Variants in C18orf63 observed in about 807,000 individuals in gnomAD.
The protein encoded by C18orf63 is chromosome 18 open reading frame 63.
A neutral mutation model predicts 75.3 loss-of-function variants in C18orf63; 50 were observed. That is an observed-to-expected ratio of 0.66 (90% CI 0.53 to 0.84). The LOEUF is 0.84. C18orf63 is among the 40% of genes least tolerant of loss of function. C18orf63 has a pLI of 0.00. For synonymous variants in C18orf63, 232 were observed against 267.6 expected (o/e 0.87, Z 1.30); for missense variants, 732 against 800.2 (o/e 0.91, Z 1.03).
intron 7 of C18orf63, among the ~76,000 whole-genome samples, chr18:74,332,593 C>T (rs560028602): frequency 1.3e-5 from 2 of 151,966 alleles, no homozygotes; most frequent in African/African-American, 4.8e-5. Flanking sequence ...ATCCCAGCTA[C>T]TCGGGAGGCT....
chr18:74,334,687 G>A (rs1162612757), intron 7 of C18orf63, among the ~76,000 whole-genome samples: 1 of 151,934 alleles, frequency 6.6e-6, no homozygotes, highest in Non-Finnish European at 1.5e-5. Flanking sequence ...TGAGAAGGAG[G>A]ATGTTTCTGG....
intron 11 of C18orf63, among the ~76,000 whole-genome samples, chr18:74,346,077 T>C (rs1431116367): frequency 6.7e-6 from 1 of 149,948 alleles, no homozygotes. Flanking sequence ...ATATATTCTT[T>C]AATTTATCTC....
intron 11 of C18orf63, among the ~76,000 whole-genome samples, chr18:74,351,238 T>C (rs1446394914): frequency 1.3e-5 from 2 of 152,194 alleles, no homozygotes; most frequent in Non-Finnish European, 2.9e-5. Flanking sequence ...TTGTCCTCTA[T>C]AATGACTTTC....
intron 11 of C18orf63, among the ~76,000 whole-genome samples, chr18:74,350,269 G>T (rs1187620791): frequency 6.6e-6 from 1 of 152,142 alleles, no homozygotes; most frequent in Non-Finnish European, 1.5e-5. Context: ...CTCTCCAGAA[G>T]TGTATATCCA....
At chr18:74,322,786 T>A in intron 4 of C18orf63, 32 bp downstream of exon 4, 1 of 949,844 alleles carries the variant, frequency 1.1e-6, no homozygotes, top group South Asian at 1.7e-5. Flanking sequence ...TAATACCATA[T>A]GTTGTTTATA....
At chr18:74,329,543 C>A (rs1984269507) in intron 6 of C18orf63, among the ~76,000 whole-genome samples, 1 of 151,966 alleles carries the variant, frequency 6.6e-6, no homozygotes, top group African/African-American at 2.4e-5. Flanking sequence ...AAAAATTCAT[C>A]TTAATTGGAA....
Position 74,357,430 on chromosome 18 carries a change from G to A in C18orf63, c.*983G>A, listed in dbSNP as rs1213233323. ...ACATTTGAAAAAAAGAGAAACAGAA[G>A]TGGAGCTTCTCAGACAATGAATATT... On this transcript the variant is annotated 3_prime_UTR_variant, in exon 14 of 14. Coordinates refer to ENST00000579455, the MANE Select transcript of C18orf63 (RefSeq NM_001174123.2). 1 of 152,152 alleles carries A rather than the reference G, an allele frequency of 6.6e-6. No homozygotes were observed. The highest frequency in any genetic ancestry group is 1.9e-4 in the East Asian group (1 of 5,202). 9.4% of individuals were successfully genotyped at this position (152,152 alleles called of 1,614,324 possible). A position where few individuals can be genotyped will look rare whatever the true frequency, so the allele number is the denominator to read the frequency against.
chr18:74,328,946 G>T, intron 5 of C18orf63, 49 bp from the exon 6 acceptor site: 1 of 984,296 alleles, frequency 1.0e-6, no homozygotes, highest in South Asian at 1.4e-5. Flanking sequence ...TATCAAGCAT[G>T]ATTATTTATG....
intron 11 of C18orf63, among the ~76,000 whole-genome samples, chr18:74,350,330 C>T (rs1984646219): frequency 6.6e-6 from 1 of 152,146 alleles, no homozygotes; most frequent in African/African-American, 2.4e-5. Flanking sequence ...CACTGAAATC[C>T]TAACCCCCAG....
At chr18:74,353,219 T>C in intron 11 of C18orf63, 27 bp from the exon 12 acceptor site, 1 of 1,345,496 alleles carries the variant, frequency 7.4e-7, no homozygotes, top group Non-Finnish European at 1.0e-6. Context: ...ACATTTTAAA[T>C]TTTTTTTTAA....
At chr18:74,343,286 A>G (rs1416895554) in intron 10 of C18orf63, among the ~76,000 whole-genome samples, 14 of 152,154 alleles carry the variant, frequency 9.2e-5, no homozygotes, top group Admixed American at 8.5e-4. Flanking sequence ...AGAAAGCCAT[A>G]TAGTAAGATA....
At chr18:74,355,364 A>T (rs1034814305) in intron 13 of C18orf63, among the ~76,000 whole-genome samples, 2 of 152,198 alleles carry the variant, frequency 1.3e-5, no homozygotes, top group African/African-American at 4.8e-5. Flanking sequence ...GGAAAAATGC[A>T]TGTGCCTTTA....
Position 74,353,535 on chromosome 18 carries a change from C to T in C18orf63, c.1268C>T (p.Thr423Ile). 1 of 1,536,622 alleles carries T rather than the reference C, an allele frequency of 6.5e-7. No individual in the cohort carries two copies. Among genetic ancestry groups the T allele is most frequent in the Non-Finnish European group, 8.7e-7 (1 of 1,147,008 alleles). ...AGAGGAAATACTCAAGTTCAGCACA[C>T]AAATCTTAGCTCCCAAAGCAACATC... ...PNRGNTQVQH[T>I]NLSSQSNITP... Residue 423 changes from threonine to isoleucine, a missense_variant, in exon 12 of 14, where the codon ACA becomes ATA. Physicochemically the swap from Thr to Ile is moderately conservative, Grantham distance 89. Around this residue, in one of 3 missense-constraint regions of C18orf63, gnomAD observed 495 missense variants for 508.7 expected, o/e 0.97. Coordinates refer to ENST00000579455, the MANE Select transcript of C18orf63 (RefSeq NM_001174123.2).
At chr18:74,335,568 A>G (rs1599004880) in intron 7 of C18orf63, among the ~76,000 whole-genome samples, 1 of 152,164 alleles carries the variant, frequency 6.6e-6, no homozygotes, top group African/African-American at 2.4e-5. Flanking sequence ...CATTGAGATT[A>G]TAATTGAATC....
chr18:74,317,761 T>C, intron 1 of C18orf63, 73 bp from the exon 2 acceptor site: 3 of 824,736 alleles, frequency 3.6e-6, no homozygotes, highest in Non-Finnish European at 5.1e-6. Context: ...TATCAAATAT[T>C]GTGTGCTGAC....
intron 10 of C18orf63, among the ~76,000 whole-genome samples, chr18:74,343,015 T>C (rs774515072): frequency 1.3e-5 from 2 of 152,172 alleles, no homozygotes; most frequent in Non-Finnish European, 2.9e-5. Context: ...CATACATCAG[T>C]TATTTTATTT....
At chr18:74,323,615 A>G (rs138191166) in intron 4 of C18orf63, among the ~76,000 whole-genome samples, 4 of 152,344 alleles carry the variant, frequency 2.6e-5, no homozygotes, top group African/African-American at 9.6e-5. Context: ...ATAGTATGTC[A>G]TTCACCTAGA....
rs895518952 is a variant in C18orf63 at position 74,342,226 on chromosome 18, G to T, written c.709-15G>T. On this transcript the variant is annotated splice_polypyrimidine_tract_variant and intron_variant, in intron 9 of 13. Coordinates refer to ENST00000579455, the MANE Select transcript of C18orf63 (RefSeq NM_001174123.2). ...CTTTCTCCAAGATATTTAAAATTTT[G>T]TGCTTAATTTTTAGTATGGCTATAA... is the stretch of plus-strand genomic sequence containing the variant. The T allele has an allele frequency of 2.7e-6, 4 of 1,498,584 alleles. No individual in the cohort carries two copies. Among genetic ancestry groups the T allele is most frequent in the South Asian group, 2.4e-5 (2 of 83,124 alleles). The allele number at this position is 1,498,584 out of a possible 1,614,324, so 92.8% of individuals were successfully genotyped here. A position where few individuals can be genotyped will look rare whatever the true frequency, so the allele number is the denominator to read the frequency against.
intron 8 of C18orf63, among the ~76,000 whole-genome samples, chr18:74,340,680 G>T (rs1984465425): frequency 6.6e-6 from 1 of 151,954 alleles, no homozygotes; most frequent in Admixed American, 6.6e-5. Context: ...ACCCTTAAAA[G>T]AGAAGGAAAT....
Sources: gnomAD v4.1 joint callset for allele counts (sites outside exome capture counted in the v4.1 genomes callset) on GRCh38, gnomAD v4.1.1 for gene constraint, gnomAD v4.1.1 regional missense constraint, MANE v1.5 for transcripts, NCBI Gene and HGNC (gene_info 2026-07-23, HGNC 2026-07-21) for gene names.